The following GPR149 variants were observed in gnomAD, a reference collection of about 807,000 sequenced individuals.
GPR149 encodes G protein-coupled receptor 149.
GPR149 carries 50 observed loss-of-function variants against 50.2 expected under a neutral mutation model. That is an observed-to-expected ratio of 1.00 (90% CI 0.79 to 1.26). GPR149 has a LOEUF of 1.26. Ranked by LOEUF, GPR149 falls within the 50% of genes most tolerant of loss-of-function variation. The probability of loss-of-function intolerance (pLI) is 0.00; values close to 1 mark genes in which losing one functional copy is unlikely to be tolerated. For synonymous variants in GPR149, 405 were observed against 358.2 expected, an observed-to-expected ratio of 1.13 and a Z score of -1.48; for missense variants, 983 against 895.4, an observed-to-expected ratio of 1.10 and a Z score of -1.25.
chr3:154,360,736 T>A (rs930910269), intron 3 of GPR149, among the ~76,000 whole-genome samples: 1 of 152,210 alleles, frequency 6.6e-6, no homozygotes, highest in Non-Finnish European at 1.5e-5. Context: ...CCATTCATTA[T>A]TCTCTCTGCA....
intron 3 of GPR149, among the ~76,000 whole-genome samples, chr3:154,387,795 T>C (rs1715078424): frequency 6.6e-6 from 1 of 152,072 alleles, no homozygotes; most frequent in Non-Finnish European, 1.5e-5. Flanking sequence ...TGCTAAAAAA[T>C]CTACCCTCAG....
At chr3:154,427,935 C>G (rs1712353938) in intron 1 of GPR149, among the ~76,000 whole-genome samples, 1 of 152,114 alleles carries the variant, frequency 6.6e-6, no homozygotes, top group Non-Finnish European at 1.5e-5. Flanking sequence ...GCCGGATCTG[C>G]GCCCGCTGCC....
At chr3:154,362,803 C>G (rs111719224) in intron 3 of GPR149, among the ~76,000 whole-genome samples, 2 of 152,040 alleles carry the variant, frequency 1.3e-5, no homozygotes, top group Admixed American at 1.3e-4. Context: ...GATTTGCATA[C>G]TTTTTCTTAC....
chr3:154,414,437 T>C (rs907652648), intron 3 of GPR149, among the ~76,000 whole-genome samples: 1 of 151,930 alleles, frequency 6.6e-6, no homozygotes, highest in Non-Finnish European at 1.5e-5. Context: ...AAATAGAAAA[T>C]TACCATCGCA....
chr3:154,344,605 T>C (rs936312068), intron 3 of GPR149, among the ~76,000 whole-genome samples: 11 of 152,164 alleles, frequency 7.2e-5, no homozygotes, highest in Non-Finnish European at 1.6e-4. Context: ...ATCCAATGAC[T>C]CTTATCCTTC....
chr3:154,371,095 G>A (rs1714654622), intron 3 of GPR149, among the ~76,000 whole-genome samples: 1 of 152,108 alleles, frequency 6.6e-6, no homozygotes, highest in South Asian at 2.1e-4. Context: ...CCTTATTAAA[G>A]GCAATATACC....
intron 3 of GPR149, among the ~76,000 whole-genome samples, chr3:154,406,754 C>G (rs1343271044): frequency 6.6e-6 from 1 of 152,036 alleles, no homozygotes; most frequent in Non-Finnish European, 1.5e-5. Flanking sequence ...TGGTTACTTA[C>G]AGAAGGTATG....
At chr3:154,412,899 A>G (rs998351797) in intron 3 of GPR149, among the ~76,000 whole-genome samples, 4 of 152,186 alleles carry the variant, frequency 2.6e-5, no homozygotes, top group African/African-American at 9.6e-5. Flanking sequence ...CAAAATTCAA[A>G]CTATATTACA....
intron 3 of GPR149, among the ~76,000 whole-genome samples, chr3:154,371,276 G>A (rs1039853316): frequency 6.6e-6 from 1 of 152,206 alleles, no homozygotes; most frequent in Admixed American, 6.5e-5. Context: ...CTAACTTCAG[G>A]CATTTTTTTC....
chr3:154,351,244 A>AAAAAC (rs1237618319), intron 3 of GPR149, among the ~76,000 whole-genome samples: 1 of 148,952 alleles, frequency 6.7e-6, no homozygotes, highest in Non-Finnish European at 1.5e-5. Flanking sequence ...ACAAAGGTAC[A>AAAAAC]AAAACAATTC....
intron 3 of GPR149, among the ~76,000 whole-genome samples, chr3:154,420,112 T>C (rs1001990065): frequency 2.6e-5 from 4 of 152,074 alleles, no homozygotes; most frequent in Non-Finnish European, 5.9e-5. Flanking sequence ...TGTTATATGA[T>C]CATACTTTTG....
chr3:154,428,565 C>T (rs1212020169), intron 1 of GPR149, 70 bp downstream of exon 1: 3 of 1,509,144 alleles, frequency 2.0e-6, no homozygotes, highest in East Asian at 2.3e-5. Context: ...AAACCGGCGA[C>T]GCCGGTCCCA....
At chr3:154,355,646 T>C (rs1465024450) in intron 3 of GPR149, among the ~76,000 whole-genome samples, 1 of 152,182 alleles carries the variant, frequency 6.6e-6, no homozygotes, top group Non-Finnish European at 1.5e-5. Flanking sequence ...AAAGAAAGCA[T>C]ACACTGATTG....
At chr3:154,388,678 G>A (rs701113) in intron 3 of GPR149, among the ~76,000 whole-genome samples, 117,570 of 151,914 alleles carry the variant, frequency 0.77, 46,400 homozygotes, top group Middle Eastern at 0.91. Flanking sequence ...ATTACTCAGC[G>A]TTCCCTAACT....
At chr3:154,420,919 T>G (rs1712122549) in intron 3 of GPR149, 120 bp downstream of exon 3, 2 of 693,080 alleles carry the variant, frequency 2.9e-6, no homozygotes, top group African/African-American at 3.6e-5. Flanking sequence ...GGAAATTAAT[T>G]GAGGCAAGTG....
At chr3:154,362,639 G>A (rs556321770) in intron 3 of GPR149, among the ~76,000 whole-genome samples, 2 of 152,276 alleles carry the variant, frequency 1.3e-5, no homozygotes, top group South Asian at 4.1e-4. Context: ...AAGCCAGGTT[G>A]CAATCAGAAT....
chr3:154,395,233 T>C (rs10935985), intron 3 of GPR149, among the ~76,000 whole-genome samples: 78,834 of 151,582 alleles, frequency 0.52, 21,088 homozygotes, highest in Middle Eastern at 0.68. Context: ...ATTCTTAGAA[T>C]GTGAGCAGCA....
chr3:154,338,031 GA>G lies in GPR149; in HGVS notation c.1863del (p.Glu623LysfsTer44). 1 of 1,614,152 alleles carries G rather than the reference GA, an allele frequency of 6.2e-7. No homozygotes were observed. Among genetic ancestry groups the G allele is most frequent in the Non-Finnish European group, 8.5e-7 (1 of 1,180,014 alleles). On this transcript the variant is annotated frameshift_variant, in exon 4 of 4. Transcript: ENST00000389740. LOFTEE classifies it high-confidence loss of function. ...VDTSVKIHLEVLEICDNEEAL... is the reference protein window; with the variant it reads ...VDTSVKIHLEXLEICDNEEAL... The stretch of plus-strand genomic sequence containing the variant: ...GCCTCTTCATTATCACAAATTTCAA[GA>G]ACCTCCAAGTGTATTTTCACACTGG...
intron 3 of GPR149, among the ~76,000 whole-genome samples, chr3:154,372,411 T>C (rs893470974): frequency 2.0e-5 from 3 of 152,132 alleles, no homozygotes; most frequent in African/African-American, 2.4e-5. Context: ...TAAAAACCAG[T>C]TTTTCTGTGA....
Sources: gnomAD v4.1 joint callset for allele counts (sites outside exome capture counted in the v4.1 genomes callset) on GRCh38, gnomAD v4.1.1 for gene constraint, MANE v1.5 for transcripts, NCBI Gene and HGNC (gene_info 2026-07-23, HGNC 2026-07-21) for gene names.